The following CDKN2A variants were observed in gnomAD, a reference collection of about 807,000 sequenced individuals.
CDKN2A encodes cyclin-dependent kinase inhibitor 2A.
CDKN2A carries 3 observed loss-of-function variants against 11.1 expected under a neutral mutation model. The observed-to-expected ratio is 0.27, with a 90% CI of 0.12 to 0.70. The LOEUF is 0.70. CDKN2A is among the 30% of genes least tolerant of loss of function. The pLI, the probability that CDKN2A is intolerant of heterozygous loss-of-function variation, is 0.77. For missense variants in CDKN2A, 265 were observed against 233.6 expected, an observed-to-expected ratio of 1.13 and a Z score of -0.88; for synonymous variants, 122 against 108.1, an observed-to-expected ratio of 1.13 and a Z score of -0.80.
chr9:21,980,341 A>T (rs1587346442), intron 2 of CDKN2A, among the ~76,000 whole-genome samples: 1 of 152,216 alleles, frequency 6.6e-6, no homozygotes. Flanking sequence ...TACATAGAAT[A>T]TCTCTGGGGA....
chr9:21,994,741 C>G (rs994498851), intron 1 of CDKN2A: 1 of 211,008 alleles, frequency 4.7e-6, no homozygotes, highest in Non-Finnish European at 9.3e-6. Flanking sequence ...CCCGCGGTGA[C>G]GGCCCAGGGG....
chr9:21,992,472 G>A (rs1820450010), intron 2 of CDKN2A: 1 of 926,376 alleles, frequency 1.1e-6, no homozygotes, highest in African/African-American at 1.8e-5. Flanking sequence ...CCTGAAAATT[G>A]ATTTATACCT....
chr9:21,979,342 C>G (rs1563895682), upstream of CDKN2A, among the ~76,000 whole-genome samples: 1 of 152,122 alleles, frequency 6.6e-6, no homozygotes, highest in Non-Finnish European at 1.5e-5. Flanking sequence ...TGTGATAGTT[C>G]AAGGCCCTAT....
At chr9:21,983,721 G>C (rs1820244402) in intron 2 of CDKN2A, among the ~76,000 whole-genome samples, 1 of 152,036 alleles carries the variant, frequency 6.6e-6, no homozygotes, top group African/African-American at 2.4e-5. Context: ...GTTGAAGTCA[G>C]TTCCTCTCTC....
intron 2 of CDKN2A, among the ~76,000 whole-genome samples, chr9:21,987,396 AACACACACACACACACACACAC>A (rs375380204): frequency 1.1e-5 from 1 of 89,906 alleles, no homozygotes. Context: ...CCCTTATTAC[AACACACACACACACACACACAC>A]ACACACACAC....
Position 21,967,884 on chromosome 9 carries a change from C to T in CDKN2A, c.*345G>A. 1 of 353,886 alleles carries T rather than the reference C, an allele frequency of 2.8e-6. No individual in the cohort carries two copies. The allele number at this position is 353,886 out of a possible 1,614,324, so 21.9% of individuals were successfully genotyped here. A position where few individuals can be genotyped will look rare whatever the true frequency, so the allele number is the denominator to read the frequency against. Reference sequence around the variant, plus strand: ...CACAAAATGCTTGTCATGAAGTCGACAGCTTCCGGAGGCTGCGAGGCTCGC... The same window carrying T: ...CACAAAATGCTTGTCATGAAGTCGATAGCTTCCGGAGGCTGCGAGGCTCGC... On this transcript the variant is annotated 3_prime_UTR_variant, in exon 3 of 3. Coordinates refer to ENST00000304494, the MANE Select transcript of CDKN2A (RefSeq NM_000077.5).
In CDKN2A at chr9:21,974,384, G is replaced by C. The variant is rs1353100907; in HGVS notation, c.150+294C>G. 1.3e-6 allele frequency: 2 copies of C among 1,558,862 alleles called. No individual in the cohort carries two copies. The highest frequency in any genetic ancestry group is 1.7e-6 in the Non-Finnish European group (2 of 1,149,542). On this transcript the variant is annotated intron_variant, in intron 1 of 2. Transcript: ENST00000304494. The surrounding 1 kb of genome is among the most constrained non-coding windows in gnomAD (Gnocchi z 5.2). ...TTTATCCCAAACGTTCGTAAATTTT[G>C]TATCTGATAAAGAGCATACTTCCAT... is the stretch of plus-strand genomic sequence containing the variant.
intron 2 of CDKN2A, among the ~76,000 whole-genome samples, chr9:21,986,506 C>T (rs1820299947): frequency 6.6e-6 from 1 of 151,940 alleles, no homozygotes; most frequent in African/African-American, 2.4e-5. Flanking sequence ...ATATTTATAG[C>T]ACTCCATGGG....
upstream of CDKN2A, among the ~76,000 whole-genome samples, chr9:21,975,709 T>C (rs749581220): frequency 7.9e-5 from 12 of 152,164 alleles, no homozygotes; most frequent in Admixed American, 1.3e-4. Flanking sequence ...TGTAGGCAGA[T>C]AGGAAAATGG....
chr9:21,989,181 G>T (rs1018425520), intron 2 of CDKN2A, among the ~76,000 whole-genome samples: 4 of 152,182 alleles, frequency 2.6e-5, no homozygotes, highest in Non-Finnish European at 5.9e-5. Flanking sequence ...GCATGAATTA[G>T]GATATGGTAA....
chr9:21,980,515 T>C (rs1345159733), intron 2 of CDKN2A, among the ~76,000 whole-genome samples: 1 of 152,210 alleles, frequency 6.6e-6, no homozygotes, highest in African/African-American at 2.4e-5. Flanking sequence ...GACAAATAAG[T>C]TACTTTTATT....
At chr9:21,970,847 T>C (rs779845061) in intron 2 of CDKN2A, 55 bp downstream of exon 2, 57 of 1,592,656 alleles carry the variant, frequency 3.6e-5, no homozygotes, top group African/African-American at 5.4e-5. Flanking sequence ...GGAAAATGAA[T>C]GCTCTGAGCT....
chr9:21,992,844 AAAC>A (rs1820461195), intron 2 of CDKN2A, among the ~76,000 whole-genome samples: 1 of 152,172 alleles, frequency 6.6e-6, no homozygotes, highest in Admixed American at 6.5e-5. Context: ...CTGTTAAAAA[AAAC>A]AACAACCAGG....
At position 21,974,148 on chromosome 9, in the gene CDKN2A, C is replaced by T. The variant is rs2131107640; in HGVS notation, c.150+530G>A. ...CAGGTGATTCCCCCCGCCTTGATCTCCCAAAGTGAAGGGATTACAAGGCGT... is the reference window on the plus strand; with the variant it reads ...CAGGTGATTCCCCCCGCCTTGATCTTCCAAAGTGAAGGGATTACAAGGCGT... On this transcript the variant is annotated intron_variant, in intron 1 of 2. Transcript: ENST00000304494. The surrounding 1 kb of genome is among the most constrained non-coding windows in gnomAD (Gnocchi z 5.2). Among the ~76,000 whole-genome samples, 1 of 152,288 alleles carries T rather than the reference C, an allele frequency of 6.6e-6. No homozygotes were observed. The highest frequency in any genetic ancestry group is 2.1e-4 in the South Asian group (1 of 4,832).
chr9:21,982,822 A>G (rs1382644693), intron 2 of CDKN2A, among the ~76,000 whole-genome samples: 1 of 152,002 alleles, frequency 6.6e-6, no homozygotes, highest in Non-Finnish European at 1.5e-5. Flanking sequence ...TTATAATTCC[A>G]CAGCTGTCCC....
chr9:21,975,959 T>C (rs2131117403), upstream of CDKN2A, among the ~76,000 whole-genome samples: 1 of 152,256 alleles, frequency 6.6e-6, no homozygotes, highest in South Asian at 2.1e-4. Flanking sequence ...TTGTTGTGAG[T>C]TTAAATGATG....
intron 2 of CDKN2A, chr9:21,969,486 T>C (rs1819585769): frequency 2.8e-6 from 1 of 356,992 alleles, no homozygotes; most frequent in East Asian, 4.0e-5. Flanking sequence ...AATCTAACCA[T>C]ATAATTAATT....
intron 2 of CDKN2A, 138 bp downstream of exon 2, chr9:21,970,764 G>A: frequency 9.2e-7 from 1 of 1,082,488 alleles, no homozygotes; most frequent in Non-Finnish European, 1.4e-6. Context: ...GGGAGACTCA[G>A]GCCGTCCCAC....
chr9:21,973,483 A>T (rs1819874759), intron 1 of CDKN2A, among the ~76,000 whole-genome samples: 1 of 152,232 alleles, frequency 6.6e-6, no homozygotes, highest in African/African-American at 2.4e-5. Context: ...TTTTAAACAA[A>T]TAAGGTCTCT....
Sources: gnomAD v4.1 joint callset for allele counts (sites outside exome capture counted in the v4.1 genomes callset) on GRCh38, gnomAD v4.1.1 for gene constraint, Gnocchi (gnomAD v3.1) non-coding constraint, MANE v1.5 for transcripts, NCBI Gene and HGNC (gene_info 2026-07-23, HGNC 2026-07-21) for gene names.